The following MAGI3 variants were observed in gnomAD, a reference collection of about 807,000 sequenced individuals.
MAGI3 encodes the protein membrane associated guanylate kinase, WW and PDZ domain containing 3, also known as membrane-associated guanylate kinase, WW and PDZ domain-containing protein 3.
A neutral mutation model predicts 121.8 loss-of-function variants in MAGI3; 43 were observed. The ratio of observed to expected loss-of-function variants is 0.35; its 90% CI spans 0.28 to 0.46. The LOEUF is 0.46. MAGI3 is among the 20% of genes least tolerant of loss of function. MAGI3 has a pLI of 1.00. For missense variants in MAGI3, 1,547 were observed against 1,797.3 expected, an observed-to-expected ratio of 0.86 and a Z score of 2.52; for synonymous variants, 553 against 639.3, an observed-to-expected ratio of 0.86 and a Z score of 2.04.
intron 1 of MAGI3, among the ~76,000 whole-genome samples, chr1:113,513,043 A>G (rs1657697518): frequency 6.6e-6 from 1 of 152,226 alleles, no homozygotes; most frequent in Admixed American, 6.5e-5. Flanking sequence ...CAAAGAGAAT[A>G]AAATACCTAG....
In MAGI3 at chr1:113,632,524, G is replaced by A. The variant is rs564479028; in HGVS notation, c.1361-9387G>A. Among the ~76,000 whole-genome samples the A allele has an allele frequency of 2.0e-5, 3 of 152,214 alleles. No homozygotes were observed. In the East Asian group the frequency reaches 5.8e-4, roughly 29 times the overall value. ...AAAGCTAATTGATGAGACAACAGGG[G>A]CCAAATTTTAAGTCAAGACTGTATT... On this transcript the variant is annotated intron_variant, in intron 9 of 20. Coordinates refer to ENST00000307546, the MANE Select transcript of MAGI3 (RefSeq NM_001142782.2).
intron 14 of MAGI3, among the ~76,000 whole-genome samples, chr1:113,653,045 G>A (rs961504290): frequency 6.6e-6 from 1 of 152,252 alleles, no homozygotes; most frequent in African/African-American, 2.4e-5. Flanking sequence ...TCATCACTCA[G>A]GAAACTGCAG....
At chr1:113,648,843 A>G (rs1652997001) in intron 12 of MAGI3, among the ~76,000 whole-genome samples, 1 of 152,240 alleles carries the variant, frequency 6.6e-6, no homozygotes, top group African/African-American at 2.4e-5. Context: ...TCTATACAGC[A>G]GTGCCTGTAC....
intron 6 of MAGI3, among the ~76,000 whole-genome samples, chr1:113,605,030 G>A (rs1158612603): frequency 6.6e-6 from 1 of 150,652 alleles, no homozygotes; most frequent in Non-Finnish European, 1.5e-5. Context: ...AAAATATACT[G>A]ACAATACCAA....
intron 1 of MAGI3, among the ~76,000 whole-genome samples, chr1:113,548,259 T>C (rs1173231596): frequency 6.6e-6 from 1 of 152,252 alleles, no homozygotes; most frequent in Non-Finnish European, 1.5e-5. Context: ...TCTGAAGCCT[T>C]GTCTAATGAA....
chr1:113,547,247 T>C lies in MAGI3; in HGVS notation c.317-2268T>C, dbSNP rs949079582. ...TGCAATCTGAGTTTTTAGCATTTTATAGTTATCTTTGTACGTTATACCATA... is the reference window on the plus strand; with the variant it reads ...TGCAATCTGAGTTTTTAGCATTTTACAGTTATCTTTGTACGTTATACCATA... On this transcript the variant is annotated intron_variant, in intron 1 of 20. Transcript: ENST00000307546. Among the ~76,000 whole-genome samples, 10 of 152,240 alleles carry C rather than the reference T, an allele frequency of 6.6e-5. No homozygotes were observed. The East Asian group carries it at 1.5e-3, about 23-fold the overall frequency.
intron 1 of MAGI3, among the ~76,000 whole-genome samples, chr1:113,516,774 G>A (rs1038656746): frequency 6.6e-6 from 1 of 152,130 alleles, no homozygotes; most frequent in South Asian, 2.1e-4. Flanking sequence ...TAATGCTCCA[G>A]TGGAGAAATC....
chr1:113,623,623 G>A (rs1286241411), intron 9 of MAGI3, among the ~76,000 whole-genome samples: 4 of 152,054 alleles, frequency 2.6e-5, no homozygotes, highest in East Asian at 3.9e-4. Flanking sequence ...GAGTAGCTGG[G>A]ACTACAGGCG....
chr1:113,643,835 C>T lies in MAGI3; in HGVS notation c.1998+61C>T, dbSNP rs552370232. 1.5e-5 allele frequency: 23 copies of T among 1,496,396 alleles called. No homozygotes were observed. The East Asian group carries it at 5.0e-4, about 32-fold the overall frequency. 92.7% of individuals were successfully genotyped at this position (1,496,396 alleles called of 1,614,324 possible). ...CACACTGAGAGAGATGCCACATTCC[C>T]CTCTGTAAGAGGAGCTCACTGTGGT... is the stretch of plus-strand genomic sequence containing the variant. On this transcript the variant is annotated intron_variant, in intron 11 of 20. Transcript: ENST00000307546.
intron 1 of MAGI3, among the ~76,000 whole-genome samples, chr1:113,479,607 T>G (rs1656017711): frequency 6.6e-6 from 1 of 152,226 alleles, no homozygotes. Context: ...TTTCAGGTTC[T>G]TTGGGCTTCA....
At chr1:113,579,344 C>A (rs929003442) in intron 2 of MAGI3, among the ~76,000 whole-genome samples, 1 of 152,084 alleles carries the variant, frequency 6.6e-6, no homozygotes, top group African/African-American at 2.4e-5. Context: ...GGGGACATGA[C>A]AACGACCTTG....
At chr1:113,641,596 C>T (rs537882168) in intron 9 of MAGI3, among the ~76,000 whole-genome samples, 2 of 151,220 alleles carry the variant, frequency 1.3e-5, no homozygotes, top group African/African-American at 2.4e-5. Context: ...TGCATGGATA[C>T]TTAGATATGA....
rs9429523 is a variant in MAGI3, at chr1:113,636,787, G to C, written c.1361-5124G>C. Among the ~76,000 whole-genome samples the C allele has an allele frequency of 2.1e-5, 3 of 146,070 alleles. No individual in the cohort carries two copies. The South Asian group carries it at 6.5e-4, about 32-fold the overall frequency. On this transcript the variant is annotated intron_variant, in intron 9 of 20. Coordinates refer to ENST00000307546, the MANE Select transcript of MAGI3 (RefSeq NM_001142782.2). ...AGTTCAATTCCTGGATATCCTTGTTGACTTTCTGTCTCGTTGATCTGTCTA... is the reference window on the plus strand; with the variant it reads ...AGTTCAATTCCTGGATATCCTTGTTCACTTTCTGTCTCGTTGATCTGTCTA...
intron 1 of MAGI3, among the ~76,000 whole-genome samples, chr1:113,479,398 C>T (rs1656007812): frequency 6.6e-6 from 1 of 152,194 alleles, no homozygotes; most frequent in Admixed American, 6.5e-5. Context: ...CTCCCTTCCT[C>T]TTCTTCCTGT....
chr1:113,510,153 A>G (rs1402091027), intron 1 of MAGI3, among the ~76,000 whole-genome samples: 1 of 152,186 alleles, frequency 6.6e-6, no homozygotes, highest in African/African-American at 2.4e-5. Context: ...TTTTTCGTGC[A>G]TAAAAAATGC....
chr1:113,591,809 A>C (rs2101737034), intron 5 of MAGI3, among the ~76,000 whole-genome samples: 1 of 152,306 alleles, frequency 6.6e-6, no homozygotes, highest in East Asian at 1.9e-4. Flanking sequence ...AGTAGCTAAA[A>C]TATCTTTAAA....
At chr1:113,420,674 T>C (rs1324655290) in intron 1 of MAGI3, among the ~76,000 whole-genome samples, 1 of 152,228 alleles carries the variant, frequency 6.6e-6, no homozygotes, top group Non-Finnish European at 1.5e-5. Flanking sequence ...AACAGGCCTA[T>C]GTGAAGGCTT....
At chr1:113,492,781 T>C (rs935083856) in intron 1 of MAGI3, among the ~76,000 whole-genome samples, 3 of 152,046 alleles carry the variant, frequency 2.0e-5, no homozygotes, top group African/African-American at 7.2e-5. Context: ...ATCAGGAATG[T>C]AATCCCATTC....
chr1:113,437,901 TCTCCTTCTCCTTCTCCTTCTC>T (rs1443587471), intron 1 of MAGI3, among the ~76,000 whole-genome samples: 866 of 4,314 alleles, frequency 0.2, 36 homozygotes, highest in Middle Eastern at 1. Context: ...TCCTTCTCCT[TCTCCTTCTCCTTCTCCTTCTC>T]CTCCTTCTCC....
Sources: allele counts gnomAD v4.1 joint callset (sites outside exome capture counted in the v4.1 genomes callset), GRCh38; gene constraint gnomAD v4.1.1; transcripts MANE v1.5; gene names NCBI Gene and HGNC (gene_info 2026-07-23, HGNC 2026-07-21).